Variants in UVRAG observed in about 807,000 individuals in gnomAD.
The protein encoded by UVRAG is UV radiation resistance associated, also known as UV radiation resistance-associated gene protein.
A neutral mutation model predicts 78.0 loss-of-function variants in UVRAG; 19 were observed. The ratio of observed to expected loss-of-function variants is 0.24; its 90% CI spans 0.17 to 0.36. The LOEUF (loss-of-function observed/expected upper bound fraction) is 0.36, where lower values mean the gene tolerates loss of function less well. Among genes scored for constraint, UVRAG ranks in the 10% least tolerant of loss-of-function variants. UVRAG has a pLI of 1.00. For missense variants in UVRAG, 740 were observed against 853.8 expected, an observed-to-expected ratio of 0.87 and a Z score of 1.66; for synonymous variants, 323 against 324.6, an observed-to-expected ratio of 1.00 and a Z score of 0.05.
Position 75,948,840 on chromosome 11 carries a change from A to G in UVRAG, c.594-12604A>G, listed in dbSNP as rs374959729. Among the ~76,000 whole-genome samples the G allele has an allele frequency of 6.4e-4, 97 of 152,328 alleles. 1 individual carries two copies. The South Asian group carries it at 0.02, about 31-fold the overall frequency. On this transcript the variant is annotated intron_variant, in intron 6 of 14. Coordinates refer to ENST00000356136, the MANE Select transcript of UVRAG (RefSeq NM_003369.4). ...AAGAAGAAAGATAAAGTGGTGAGGT[A>G]CTAGATGCATTAGCACGAATCTTTG...
chr11:76,079,722 C>G (rs188994249), intron 13 of UVRAG, among the ~76,000 whole-genome samples: 3 of 152,266 alleles, frequency 2.0e-5, no homozygotes, highest in Admixed American at 1.3e-4. Flanking sequence ...AATTTTTTCT[C>G]TGAAGTAGAA....
chr11:76,002,339 G>C (rs1049361376), intron 8 of UVRAG, among the ~76,000 whole-genome samples: 1 of 152,118 alleles, frequency 6.6e-6, no homozygotes, highest in Non-Finnish European at 1.5e-5. Flanking sequence ...CATTTTGTTA[G>C]CTGATTGGGA....
intron 2 of UVRAG, among the ~76,000 whole-genome samples, chr11:75,857,591 A>G (rs1946320617): frequency 6.6e-6 from 1 of 151,242 alleles, no homozygotes; most frequent in African/African-American, 2.4e-5. Context: ...CCAGGTTCAA[A>G]CGATTCGTCT....
At chr11:76,063,493 T>C (rs1951131164) in intron 12 of UVRAG, among the ~76,000 whole-genome samples, 1 of 152,230 alleles carries the variant, frequency 6.6e-6, no homozygotes. Flanking sequence ...TTTATTGCTT[T>C]CTAATTCCTT....
chr11:75,973,757 C>T (rs1379684615), intron 7 of UVRAG, among the ~76,000 whole-genome samples: 4 of 152,126 alleles, frequency 2.6e-5, no homozygotes, highest in African/African-American at 9.7e-5. Context: ...CCACCCTGTG[C>T]CCAAGTGTTC....
At chr11:75,954,350 T>C (rs1948756158) in intron 6 of UVRAG, among the ~76,000 whole-genome samples, 1 of 152,208 alleles carries the variant, frequency 6.6e-6, no homozygotes, top group Admixed American at 6.5e-5. Context: ...TTTGACAAGG[T>C]TGTTTGCATA....
chr11:75,935,604 C>T (rs1371880555), intron 6 of UVRAG, among the ~76,000 whole-genome samples: 1 of 152,150 alleles, frequency 6.6e-6, no homozygotes, highest in Non-Finnish European at 1.5e-5. Context: ...TGGGATACTG[C>T]TACCTTAATA....
At chr11:75,898,989 T>A (rs1482838562) in intron 5 of UVRAG, among the ~76,000 whole-genome samples, 4 of 152,184 alleles carry the variant, frequency 2.6e-5, no homozygotes, top group Non-Finnish European at 5.9e-5. Flanking sequence ...AATATTTTAA[T>A]AACAAAGAGC....
chr11:76,121,983 C>G (rs952193985), intron 14 of UVRAG, among the ~76,000 whole-genome samples: 38 of 152,150 alleles, frequency 2.5e-4, no homozygotes, highest in Non-Finnish European at 3.7e-4. Flanking sequence ...TCTGTGGTCC[C>G]AGCCTGGCAT....
chr11:75,965,538 A>G (rs948291446), intron 7 of UVRAG, among the ~76,000 whole-genome samples: 1 of 152,154 alleles, frequency 6.6e-6, no homozygotes. Flanking sequence ...GATGGTCTCC[A>G]TCTCCTGACC....
At chr11:75,820,672 C>A (rs1945367852) in intron 1 of UVRAG, among the ~76,000 whole-genome samples, 1 of 152,128 alleles carries the variant, frequency 6.6e-6, no homozygotes, top group Admixed American at 6.5e-5. Context: ...TTCTTAACAT[C>A]TGCCTTGACA....
rs1314655993 is a variant in UVRAG at position 76,140,954 on chromosome 11, A to G, written c.1641A>G (p.Leu547=). Residue 547 remains leucine (L), a synonymous_variant, in exon 15 of 15, where the codon CTA becomes CTG. Transcript: ENST00000356136. Reference sequence around the variant, plus strand: ...AGACCGAGAGAAAGATAACATCTCTATCCTCCTCCTTGGATACCTCCTTGG... The same window carrying G: ...AGACCGAGAGAAAGATAACATCTCTGTCCTCCTCCTTGGATACCTCCTTGG... ...MGETERKITS[L]SSSLDTSLDF... The G allele has an allele frequency of 6.2e-6, 10 of 1,614,006 alleles. No individual in the cohort carries two copies. The highest frequency in any genetic ancestry group is 8.5e-6 in the Non-Finnish European group (10 of 1,180,020).
intron 7 of UVRAG, among the ~76,000 whole-genome samples, chr11:75,962,625 A>G (rs887573293): frequency 3.3e-5 from 5 of 152,188 alleles, no homozygotes; most frequent in Non-Finnish European, 7.4e-5. Context: ...CTTCCGTTTC[A>G]AAGGTGCTGT....
rs552523398 is a variant in UVRAG, at chr11:76,009,607, A to C, written c.1060+740A>C. On this transcript the variant is annotated intron_variant, in intron 11 of 14. Coordinates refer to ENST00000356136, the MANE Select transcript of UVRAG (RefSeq NM_003369.4). ...TACTTGAGAAGTTACTAAAGAAGAGAGCATTGCTAGTTTTGATCAGGACTT... is the reference window on the plus strand; with the variant it reads ...TACTTGAGAAGTTACTAAAGAAGAGCGCATTGCTAGTTTTGATCAGGACTT... Among the ~76,000 whole-genome samples, 15 of 152,284 alleles carry C rather than the reference A, an allele frequency of 9.9e-5. No homozygotes were observed. The South Asian group carries it at 3.1e-3, about 32-fold the overall frequency.
At chr11:75,852,624 A>T (rs75119968) in intron 2 of UVRAG, among the ~76,000 whole-genome samples, 1 of 152,252 alleles carries the variant, frequency 6.6e-6, no homozygotes, top group African/African-American at 2.4e-5. Context: ...ATGTTGGATT[A>T]TGATGGAAAA....
At chr11:75,836,535 C>T (rs973735256) in intron 1 of UVRAG, among the ~76,000 whole-genome samples, 4 of 152,154 alleles carry the variant, frequency 2.6e-5, no homozygotes, top group African/African-American at 9.7e-5. Flanking sequence ...ACCCCCATTT[C>T]TTATTGGCCA....
intron 8 of UVRAG, among the ~76,000 whole-genome samples, chr11:75,991,943 T>C (rs991026300): frequency 6.6e-6 from 1 of 152,176 alleles, no homozygotes; most frequent in Non-Finnish European, 1.5e-5. Flanking sequence ...CCGGTATTAA[T>C]TGCTCTTATA....
rs1950891494 is a variant in UVRAG at position 76,052,632 on chromosome 11, C to T, written c.1227-13078C>T. Among the ~76,000 whole-genome samples the T allele has an allele frequency of 5.3e-5, 8 of 152,212 alleles. No homozygotes were observed. The South Asian group carries it at 1.7e-3, about 32-fold the overall frequency. On this transcript the variant is annotated intron_variant, in intron 12 of 14. Coordinates refer to ENST00000356136, the MANE Select transcript of UVRAG (RefSeq NM_003369.4). ...TAATTTTGAGATTCGCTTGACCTGT[C>T]TGCAGCACTTAACTGTTGATAGCGT...
At chr11:75,940,125 A>G (rs1324224733) in intron 6 of UVRAG, among the ~76,000 whole-genome samples, 1 of 152,218 alleles carries the variant, frequency 6.6e-6, no homozygotes, top group African/African-American at 2.4e-5. Flanking sequence ...AATGGTACAA[A>G]GAAGAAAGAA....
Sources: gnomAD v4.1 joint callset for allele counts (sites outside exome capture counted in the v4.1 genomes callset) on GRCh38, gnomAD v4.1.1 for gene constraint, MANE v1.5 for transcripts, NCBI Gene and HGNC (gene_info 2026-07-23, HGNC 2026-07-21) for gene names.